Variants in LAMC2 observed in about 807,000 individuals in gnomAD.
LAMC2 encodes the protein laminin subunit gamma-2.
A neutral mutation model predicts 140.2 loss-of-function variants in LAMC2; 97 were observed. That is an observed-to-expected ratio of 0.69 (90% confidence interval 0.59 to 0.82). The LOEUF (loss-of-function observed/expected upper bound fraction) is 0.82. LAMC2 is among the 40% of genes least tolerant of loss of function. LAMC2 has a pLI of 0.00. For synonymous variants in LAMC2, 513 were observed against 540.2 expected, an observed-to-expected ratio of 0.95 and a Z score of 0.70; for missense variants, 1,402 against 1,476.1, an observed-to-expected ratio of 0.95 and a Z score of 0.82.
intron 12 of LAMC2, 145 bp downstream of exon 12, chr1:183,231,248 G>C (rs1266020375): frequency 2.1e-6 from 2 of 971,582 alleles, no homozygotes; most frequent in Admixed American, 2.1e-5. Context: ...AAAAATTGCT[G>C]CATTAAAAAA....
At chr1:183,252,568 C>G in the LAMC2 span, 3 of 1,074,264 alleles carry the variant, frequency 2.8e-6, no homozygotes, top group South Asian at 2.5e-5. Flanking sequence ...GATGGAGAAA[C>G]AGAGAGGCAG....
At chr1:183,240,253 AT>A (rs1357408414) in intron 21 of LAMC2, 38 bp from the exon 22 acceptor site, 1 of 1,614,224 alleles carries the variant, frequency 6.2e-7, no homozygotes, top group Non-Finnish European at 8.5e-7. Flanking sequence ...AAAATGGAAA[AT>A]ACCTTTTCAA....
intron 1 of LAMC2, among the ~76,000 whole-genome samples, chr1:183,200,621 C>T (rs548609966): frequency 6.6e-6 from 1 of 152,168 alleles, no homozygotes; most frequent in South Asian, 2.1e-4. Context: ...CCTAAGGCCA[C>T]AGCTGGGAAA....
At chr1:183,239,609 C>A in intron 20 of LAMC2, 46 bp downstream of exon 20, 4 of 1,511,862 alleles carry the variant, frequency 2.6e-6, no homozygotes, top group Non-Finnish European at 3.6e-6. Flanking sequence ...GCACCAAACA[C>A]AAGGGTGGTG....
At chr1:183,196,544 A>G (rs1378390337) in intron 1 of LAMC2, among the ~76,000 whole-genome samples, 4 of 152,188 alleles carry the variant, frequency 2.6e-5, no homozygotes, top group Admixed American at 2.6e-4. Flanking sequence ...AAGTGGGTAT[A>G]TGCAACTGAA....
In LAMC2 at chr1:183,231,053, G is replaced by C. The variant is rs145070713; in HGVS notation, c.1807G>C (p.Glu603Gln). 1 of 1,614,040 alleles carries C rather than the reference G, an allele frequency of 6.2e-7. No homozygotes were observed. The highest frequency in any genetic ancestry group is 2.2e-5 in the East Asian group (1 of 44,896). Residue 603 changes from glutamate to glutamine, a missense_variant, in exon 12 of 23, where the codon GAG becomes CAG. Physicochemically the swap from Glu to Gln is conservative, Grantham distance 29. Transcript: ENST00000264144. ...CKPGFGGPNC[E>Q]HGAFSCPACY... ...GCCAGGATTTGGTGGCCCCAACTGT[G>C]AGCATGGAGCATTCAGCTGTCCAGC... is the stretch of plus-strand genomic sequence containing the variant.
At chr1:183,206,007 A>G (rs1054711449) in intron 1 of LAMC2, among the ~76,000 whole-genome samples, 20 of 152,322 alleles carry the variant, frequency 1.3e-4, no homozygotes, top group African/African-American at 4.1e-4. Flanking sequence ...GAATGTCTAC[A>G]TGCAATGGTA....
intron 3 of LAMC2, among the ~76,000 whole-genome samples, chr1:183,216,148 G>A (rs752361116): frequency 4.1e-4 from 62 of 152,230 alleles, no homozygotes; most frequent in Non-Finnish European, 6.3e-4. Context: ...GAAGCATTGG[G>A]CATTGGCTAG....
intron 1 of LAMC2, among the ~76,000 whole-genome samples, chr1:183,204,470 A>C (rs78934311): frequency 1.4e-5 from 2 of 144,212 alleles, no homozygotes; most frequent in African/African-American, 5.4e-5. Context: ...AAAAAAAAAA[A>C]CCACTACAAA....
intron 12 of LAMC2, 123 bp downstream of exon 12, chr1:183,231,226 A>G (rs1157283854): frequency 7.9e-6 from 9 of 1,145,526 alleles, no homozygotes; most frequent in Admixed American, 3.9e-5. Context: ...AGTGATTACT[A>G]TTTCTGTCTT....
intron 12 of LAMC2, among the ~76,000 whole-genome samples, chr1:183,231,901 T>TA (rs1659810702): frequency 1.3e-5 from 2 of 152,228 alleles, no homozygotes; most frequent in Non-Finnish European, 2.9e-5. Context: ...TTATAGATGT[T>TA]AACCCAGGTA....
At chr1:183,225,758 GTGTTAGT>G in intron 8 of LAMC2, 38 bp downstream of exon 8, 1 of 1,400,828 alleles carries the variant, frequency 7.1e-7, no homozygotes. Flanking sequence ...TTCTTCTTAG[GTGTTAGT>G]TTAATTTGAT....
intron 10 of LAMC2, 27 bp downstream of exon 10, chr1:183,227,724 C>A: frequency 6.2e-7 from 1 of 1,603,296 alleles, no homozygotes; most frequent in Non-Finnish European, 8.5e-7. Flanking sequence ...GCTCTGCCAC[C>A]TGCCTCTTCC....
At chr1:183,236,263 C>G (rs1659958262) in intron 16 of LAMC2, among the ~76,000 whole-genome samples, 197 bp from the exon 17 acceptor site, 1 of 151,632 alleles carries the variant, frequency 6.6e-6, no homozygotes, top group Admixed American at 6.6e-5. Context: ...GTGGCTCACT[C>G]TTGTAGTCCC....
At position 183,186,444 on chromosome 1, in the gene LAMC2, C is replaced by G; in HGVS notation, c.79+13C>G. On this transcript the variant is annotated intron_variant, in intron 1 of 22. Transcript: ENST00000264144. ...TCCAGGAGGGAAGGTGAGTCGGCTTCCACAAGGAAACATCTCAGCCCTGGG... is the reference window on the plus strand; with the variant it reads ...TCCAGGAGGGAAGGTGAGTCGGCTTGCACAAGGAAACATCTCAGCCCTGGG... 1 of 1,602,064 alleles carries G rather than the reference C, an allele frequency of 6.2e-7. No homozygotes were observed. The highest frequency in any genetic ancestry group is 8.5e-7 in the Non-Finnish European group (1 of 1,179,654).
chr1:183,203,623 C>A (rs1266495460), intron 1 of LAMC2, among the ~76,000 whole-genome samples: 2 of 151,844 alleles, frequency 1.3e-5, no homozygotes, highest in African/African-American at 4.8e-5. Context: ...GAGCTTGGAA[C>A]AAGCTCTCCC....
chr1:183,224,101 C>T (rs1364907545), intron 7 of LAMC2, among the ~76,000 whole-genome samples: 1 of 152,080 alleles, frequency 6.6e-6, no homozygotes, highest in East Asian at 1.9e-4. Context: ...TTCATGGGGT[C>T]TTGGAAAGTG....
chr1:183,194,535 G>A (rs1260640488), intron 1 of LAMC2, among the ~76,000 whole-genome samples: 2 of 152,046 alleles, frequency 1.3e-5, no homozygotes, highest in African/African-American at 4.8e-5. Context: ...AGGAATCAAT[G>A]AAACATAAAT....
chr1:183,231,106 A>G lies in LAMC2; in HGVS notation c.1857+3A>G. The G allele has an allele frequency of 2.5e-6, 4 of 1,614,158 alleles. No individual in the cohort carries two copies. The highest frequency in any genetic ancestry group is 3.4e-6 in the Non-Finnish European group (4 of 1,180,010). On this transcript the variant is annotated splice_donor_region_variant and intron_variant, in intron 12 of 22. Coordinates refer to ENST00000264144, the MANE Select transcript of LAMC2 (RefSeq NM_005562.3). Reference sequence around the variant, plus strand: ...GCTATAATCAAGTGAAGATTCAGGTATGCATTCTTCCCCTTACCACCCCCA... The same window carrying G: ...GCTATAATCAAGTGAAGATTCAGGTGTGCATTCTTCCCCTTACCACCCCCA...
Sources: gnomAD v4.1 joint callset for allele counts (sites outside exome capture counted in the v4.1 genomes callset) on GRCh38, gnomAD v4.1.1 for gene constraint, MANE v1.5 for transcripts, NCBI Gene and HGNC (gene_info 2026-07-23, HGNC 2026-07-21) for gene names.